The following NAPSA variants were observed in gnomAD, a reference collection of about 807,000 sequenced individuals.
NAPSA encodes napsin A aspartic peptidase, also known as napsin-A.
A neutral mutation model predicts 36.7 loss-of-function variants in NAPSA; 37 were observed. That is an observed-to-expected ratio of 1.01 (90% CI 0.78 to 1.33). The LOEUF (loss-of-function observed/expected upper bound fraction) is 1.33. NAPSA is among the 40% of genes most tolerant of loss of function. The probability of loss-of-function intolerance (pLI) is 0.00; values close to 1 mark genes in which losing one functional copy is unlikely to be tolerated. For synonymous variants in NAPSA, 222 were observed against 234.5 expected, an observed-to-expected ratio of 0.95 and a Z score of 0.49; for missense variants, 532 against 543.8, an observed-to-expected ratio of 0.98 and a Z score of 0.21.
intron 5 of NAPSA, 27 bp from the exon 6 acceptor site, chr19:50,359,889 A>G (rs528716175): frequency 3.7e-6 from 6 of 1,604,364 alleles, no homozygotes; most frequent in Non-Finnish European, 5.1e-6. Flanking sequence ...TAGAGAGTGT[A>G]GATGTCAGTG....
chr19:50,360,014 C>T (rs2037452174), intron 5 of NAPSA, 152 bp from the exon 6 acceptor site: 1 of 1,027,174 alleles, frequency 9.7e-7, no homozygotes, highest in African/African-American at 1.6e-5. Context: ...GATGTTGGGA[C>T]TGGAAGCCGG....
At position 50,358,982 on chromosome 19, in the gene NAPSA, ACTATGGCGTCAT is replaced by A. The variant is rs1417823526; in HGVS notation, c.1035+17_1035+28del. On this transcript the variant is annotated intron_variant, in intron 8 of 8. Transcript: ENST00000253719. ...CCCTCTCAAACCGTCATATGACGTCACTATGGCGTCATGGTGATGGCCACCTACCTGGATGAC... is the reference window on the plus strand; with the variant it reads ...CCCTCTCAAACCGTCATATGACGTCAGGTGATGGCCACCTACCTGGATGAC... 6.3e-7 allele frequency: 1 copy of A among 1,578,492 alleles called. No homozygotes were observed. The highest frequency in any genetic ancestry group is 8.7e-7 in the Non-Finnish European group (1 of 1,148,388).
chr19:50,361,834 A>C, intron 3 of NAPSA, 53 bp from the exon 4 acceptor site: 1 of 1,602,636 alleles, frequency 6.2e-7, no homozygotes, highest in Non-Finnish European at 8.5e-7. Flanking sequence ...CCCAGTGCCT[A>C]CTGCCCCTTT....
At chr19:50,364,496 T>C (rs1471565301) in intron 1 of NAPSA, among the ~76,000 whole-genome samples, 2 of 145,456 alleles carry the variant, frequency 1.4e-5, no homozygotes, top group Non-Finnish European at 3.0e-5. Flanking sequence ...GTGCCTGTAG[T>C]CCCAGCTGCT....
At chr19:50,366,625 T>C (rs961778150), upstream of NAPSA, among the ~76,000 whole-genome samples, 41 of 152,148 alleles carry the variant, frequency 2.7e-4, no homozygotes, top group African/African-American at 9.9e-4. Context: ...TAGATGTTCA[T>C]TGGTGGCTGG....
Position 50,359,433 on chromosome 19 carries a change from G to A in NAPSA, c.936+70C>T. On this transcript the variant is annotated intron_variant, in intron 7 of 8. Coordinates refer to ENST00000253719, the MANE Select transcript of NAPSA (RefSeq NM_004851.3). The stretch of plus-strand genomic sequence containing the variant: ...CTTAAATACTTGCCTCCCACCCTCA[G>A]GCCCTTTGATGTTCACTGTCAAACT... 4 of 1,597,906 alleles carry A rather than the reference G, an allele frequency of 2.5e-6. No homozygotes were observed. The South Asian group carries it at 4.5e-5, about 18-fold the overall frequency.
At position 50,359,048 on chromosome 19, in the gene NAPSA, ACC is replaced by A; in HGVS notation, c.996_997del (p.Val333LeufsTer3). ...ATCATGGGCCGTGAGGTTAAACCAG[ACC>A]CCCCCAAGAAGGAAGGAGACTGCGG... On this transcript the variant is annotated frameshift_variant, in exon 8 of 9. Coordinates refer to ENST00000253719, the MANE Select transcript of NAPSA (RefSeq NM_004851.3). LOFTEE classifies it low-confidence loss of function (END_TRUNC). The A allele has an allele frequency of 6.2e-7, 1 of 1,613,308 alleles. No homozygotes were observed. The highest frequency in any genetic ancestry group is 1.3e-5 in the African/African-American group (1 of 74,736).
At chr19:50,360,404 G>T (rs2037456645) in intron 5 of NAPSA, among the ~76,000 whole-genome samples, 1 of 152,164 alleles carries the variant, frequency 6.6e-6, no homozygotes, top group Non-Finnish European at 1.5e-5. Context: ...GTGGGCATAG[G>T]ATTTTCTGAC....
At position 50,359,077 on chromosome 19, in the gene NAPSA, G is replaced by C; in HGVS notation, c.969C>G (p.Leu323=). 1.2e-6 allele frequency: 2 copies of C among 1,614,106 alleles called. No homozygotes were observed. The highest frequency in any genetic ancestry group is 1.7e-6 in the Non-Finnish European group (2 of 1,180,000). ...CCCCAAGAAGGAAGGAGACTGCGGG[G>C]AGCTTTGGGATTTCCGAGCACAGGA... ...YIILCSEIPK[L]PAVSFLLGGV... Residue 323 remains leucine, a synonymous_variant, in exon 8 of 9, where the codon CTC becomes CTG. Transcript: ENST00000253719.
chr19:50,359,316 G>T (rs61614092), intron 7 of NAPSA, 187 bp downstream of exon 7: 5 of 882,860 alleles, frequency 5.7e-6, no homozygotes, highest in Middle Eastern at 3.3e-4. Context: ...CCGCAGAGTC[G>T]CAGTGTAGAC....
chr19:50,360,137 CAT>C (rs1009015582), intron 5 of NAPSA, among the ~76,000 whole-genome samples: 1 of 152,152 alleles, frequency 6.6e-6, no homozygotes, highest in African/African-American at 2.4e-5. Flanking sequence ...AGCTGAATAT[CAT>C]AGTAACCAAG....
Position 50,358,523 on chromosome 19 carries a change from C to G in NAPSA, c.*30G>C. The G allele has an allele frequency of 6.5e-7, 1 of 1,532,554 alleles. No homozygotes were observed. Among genetic ancestry groups the G allele is most frequent in the Non-Finnish European group, 8.8e-7 (1 of 1,136,786 alleles). The allele number at this position is 1,532,554 out of a possible 1,614,324, so 94.9% of individuals were successfully genotyped here. A position where few individuals can be genotyped will look rare whatever the true frequency, so the allele number is the denominator to read the frequency against. On this transcript the variant is annotated 3_prime_UTR_variant, in exon 9 of 9. Transcript: ENST00000253719. ...TACTGGGTAGCAGGACCTCCGCGACCACCCGCTGCGCATGCGCTTCACTTG... is the reference window on the plus strand; with the variant it reads ...TACTGGGTAGCAGGACCTCCGCGACGACCCGCTGCGCATGCGCTTCACTTG...
In NAPSA at chr19:50,358,748, G is replaced by A; in HGVS notation, c.1068C>T (p.Ser356=). The change falls in exon 9 of 9, where the codon TCC becomes TCT. Residue 356 remains serine, a synonymous_variant. Transcript: ENST00000253719. ...TTRNGVRLCL[S]GFQALDVPPP... ...GAGGGACATCCAGGGCCTGGAAACCGGACAAGCAGAGGCGGACGCCATTTC... is the reference window on the plus strand; with the variant it reads ...GAGGGACATCCAGGGCCTGGAAACCAGACAAGCAGAGGCGGACGCCATTTC... 3 of 1,613,206 alleles carry A rather than the reference G, an allele frequency of 1.9e-6. No individual in the cohort carries two copies. Among genetic ancestry groups the A allele is most frequent in the South Asian group, 2.2e-5 (2 of 91,030 alleles).
At chr19:50,368,104 G>A (rs952023713), upstream of NAPSA, among the ~76,000 whole-genome samples, 9 of 145,182 alleles carry the variant, frequency 6.2e-5, no homozygotes, top group Non-Finnish European at 1.0e-4. Flanking sequence ...GTTGCAGTGA[G>A]CCAAGATCGC....
chr19:50,360,138 A>G (rs2123608406), intron 5 of NAPSA, among the ~76,000 whole-genome samples: 1 of 152,284 alleles, frequency 6.6e-6, no homozygotes, highest in Admixed American at 6.5e-5. Flanking sequence ...GCTGAATATC[A>G]TAGTAACCAA....
chr19:50,365,839 C>G (rs1433337351), upstream of NAPSA: 1 of 446,320 alleles, frequency 2.2e-6, no homozygotes, highest in Non-Finnish European at 4.1e-6. Context: ...TGGTGCTCCT[C>G]ACTCCCTACT....
chr19:50,361,831 C>T (rs1317667327), intron 3 of NAPSA, 50 bp from the exon 4 acceptor site: 1 of 1,599,842 alleles, frequency 6.3e-7, no homozygotes, highest in Non-Finnish European at 8.6e-7. Context: ...CTCCCCAGTG[C>T]CTACTGCCCC....
intron 1 of NAPSA, chr19:50,362,617 A>C: frequency 4.5e-6 from 1 of 224,690 alleles, no homozygotes; most frequent in East Asian, 9.9e-5. Context: ...CTAACAGAAA[A>C]CCTAACCTTT....
At chr19:50,365,101 C>T (rs143116942) in intron 1 of NAPSA, among the ~76,000 whole-genome samples, 4,141 of 151,390 alleles carry the variant, frequency 0.027, 74 homozygotes, top group East Asian at 0.068. Context: ...TTTGGGAGGC[C>T]GAGGTGAGCG....
Sources: allele counts gnomAD v4.1 joint callset (sites outside exome capture counted in the v4.1 genomes callset), GRCh38; gene constraint gnomAD v4.1.1; transcripts MANE v1.5; gene names NCBI Gene and HGNC (gene_info 2026-07-23, HGNC 2026-07-21).